The following SLC2A9 variants were observed in gnomAD, a reference collection of about 807,000 sequenced individuals.
SLC2A9 encodes solute carrier family 2, facilitated glucose transporter member 9.
In SLC2A9, 39 loss-of-function variants were observed where a neutral mutation model predicts 50.6. That is an observed-to-expected ratio of 0.77 (90% CI 0.60 to 1.01). The LOEUF (loss-of-function observed/expected upper bound fraction) is 1.01, where lower values mean the gene tolerates loss of function less well. Among genes scored for constraint, SLC2A9 ranks in the 50% least tolerant of loss-of-function variants. SLC2A9 has a pLI of 0.00. For missense variants in SLC2A9, 686 were observed against 677.6 expected (o/e 1.01, Z -0.14); for synonymous variants, 324 against 276.9 (o/e 1.17, Z -1.69).
At chr4:9,788,035 G>C (rs1240993649) in intron 3 of SLC2A9, among the ~76,000 whole-genome samples, 3 of 151,954 alleles carry the variant, frequency 2.0e-5, no homozygotes, top group Admixed American at 2.0e-4. Context: ...TTTATTAGTG[G>C]CCCTTCCCTG....
At chr4:10,020,960 G>A (rs953149578) in intron 1 of SLC2A9, among the ~76,000 whole-genome samples, 3 of 152,204 alleles carry the variant, frequency 2.0e-5, no homozygotes, top group African/African-American at 7.2e-5. Context: ...GCTGCTGCCC[G>A]TGCCATGCCC....
intron 3 of SLC2A9, among the ~76,000 whole-genome samples, chr4:9,786,745 C>A (rs1719267171): frequency 6.6e-6 from 1 of 152,148 alleles, no homozygotes; most frequent in South Asian, 2.1e-4. Flanking sequence ...GTAGAGGAAC[C>A]AGGGTTCACC....
At chr4:9,960,570 G>A (rs1193810566) in intron 5 of SLC2A9, among the ~76,000 whole-genome samples, 3 of 152,238 alleles carry the variant, frequency 2.0e-5, no homozygotes, top group Admixed American at 1.3e-4. Context: ...CCCACAGCAT[G>A]TGAAAATTCA....
At chr4:9,875,188 C>G (rs561591180) in intron 10 of SLC2A9, among the ~76,000 whole-genome samples, 1 of 138,476 alleles carries the variant, frequency 7.2e-6, no homozygotes, top group Admixed American at 7.3e-5. Context: ...AGGTTAGCAT[C>G]TGTCTAAGAT....
intron 3 of SLC2A9, among the ~76,000 whole-genome samples, chr4:9,789,327 G>A (rs1025196984): frequency 5.3e-5 from 8 of 152,218 alleles, no homozygotes; most frequent in Admixed American, 5.2e-4. Context: ...ATGTGTAAGG[G>A]CATTATACAA....
chr4:9,883,567 T>C (rs190425377), intron 10 of SLC2A9, among the ~76,000 whole-genome samples: 1 of 152,324 alleles, frequency 6.6e-6, no homozygotes, highest in East Asian at 1.9e-4. Context: ...TTAAAGTTGA[T>C]GCTCAAGAAA....
Position 9,931,952 on chromosome 4 carries a change from CTCTCTCTCTCTATATATATATA to C in SLC2A9, c.814+9939_814+9960del, listed in dbSNP as rs1269962172. On this transcript the variant is annotated intron_variant, in intron 6 of 11. Coordinates refer to ENST00000264784, the MANE Select transcript of SLC2A9 (RefSeq NM_020041.3). ...TCTCTCTCTCTCTCTCTCTCTCTCT[CTCTCTCTCTCTATATATATATA>C]TATATATATATATATATATATATAT... is the stretch of plus-strand genomic sequence containing the variant. Among the ~76,000 whole-genome samples, 14 of 57,226 alleles carry C rather than the reference CTCTCTCTCTCTATATATATATA, an allele frequency of 2.4e-4. No individual in the cohort carries two copies. The East Asian group carries it at 5.8e-3, about 24-fold the overall frequency. The allele number at this position is 57,226 out of a possible 152,430, so 37.5% of individuals were successfully genotyped here.
upstream of SLC2A9, among the ~76,000 whole-genome samples, chr4:10,021,814 G>C (rs138003665): frequency 1.3e-5 from 2 of 150,972 alleles, no homozygotes; most frequent in African/African-American, 4.9e-5. Context: ...TCAGAAGCCT[G>C]CATACAGCTC....
intron 3 of SLC2A9, among the ~76,000 whole-genome samples, chr4:9,987,351 C>T (rs1301854906): frequency 6.6e-6 from 1 of 152,168 alleles, no homozygotes; most frequent in Non-Finnish European, 1.5e-5. Flanking sequence ...AACTTCTGAC[C>T]TCAGGTGATC....
chr4:9,827,583 A>T (rs1385260814), intron 11 of SLC2A9, among the ~76,000 whole-genome samples: 1 of 152,216 alleles, frequency 6.6e-6, no homozygotes, highest in Non-Finnish European at 1.5e-5. Flanking sequence ...TGATCCCTGG[A>T]TCACATCCTA....
chr4:9,867,742 C>G (rs968726343), intron 10 of SLC2A9, among the ~76,000 whole-genome samples: 10 of 152,154 alleles, frequency 6.6e-5, no homozygotes, highest in African/African-American at 2.2e-4. Context: ...TGCCTGACTG[C>G]CTGGGAGAGA....
chr4:10,031,496 G>A (rs1274693682), intron 1 of SLC2A9, among the ~76,000 whole-genome samples: 1 of 152,222 alleles, frequency 6.6e-6, no homozygotes, highest in Non-Finnish European at 1.5e-5. Context: ...GGGTAAGGAG[G>A]CCTCTCTGCT....
intron 10 of SLC2A9, among the ~76,000 whole-genome samples, chr4:9,860,570 G>T (rs1437195812): frequency 1.3e-5 from 2 of 152,226 alleles, no homozygotes; most frequent in Non-Finnish European, 2.9e-5. Context: ...CTTTGAACTT[G>T]GCTTCAAGAC....
chr4:9,879,558 C>A lies in SLC2A9; in HGVS notation c.1291+8009G>T, dbSNP rs1306670864. On this transcript the variant is annotated intron_variant, in intron 10 of 11. Coordinates refer to ENST00000264784, the MANE Select transcript of SLC2A9 (RefSeq NM_020041.3). ...GCCCCTGCAGTCTTTCCAGAGGGGT[C>A]CTTTTTCCAAGCAAGGTATGTGCTG... The A allele has an allele frequency of 4.1e-6, 4 of 985,178 alleles. No homozygotes were observed. In the Admixed American group the frequency reaches 1.8e-4, roughly 45 times the overall value. The allele number at this position is 985,178 out of a possible 1,614,324, so 61.0% of individuals were successfully genotyped here.
chr4:9,908,349 T>A lies in SLC2A9; in HGVS notation c.1003-4A>T. 6.3e-7 allele frequency: 1 copy of A among 1,582,006 alleles called. No homozygotes were observed. Among genetic ancestry groups the A allele is most frequent in the Non-Finnish European group, 8.7e-7 (1 of 1,150,322 alleles). ...TGCTGTTGGTATAGAACCAAATCTG[T>A]AATTCAGGAAAGAATGAGCAGAGAG... On this transcript the variant is annotated splice_polypyrimidine_tract_variant and splice_region_variant and intron_variant, in intron 7 of 11. Transcript: ENST00000264784.
chr4:9,909,637 C>T lies in SLC2A9; in HGVS notation c.1003-1292G>A, dbSNP rs899195303. ...TTATTTTGCCTGTCCCATGAGGTGT[C>T]AGGAACTGGGTGAGAATTGTCACTC... On this transcript the variant is annotated intron_variant, in intron 7 of 11. Coordinates refer to ENST00000264784, the MANE Select transcript of SLC2A9 (RefSeq NM_020041.3). Among the ~76,000 whole-genome samples the T allele has an allele frequency of 3.3e-5, 5 of 152,182 alleles. 1 individual carries two copies. Among genetic ancestry groups the T allele is most frequent in the African/African-American group, 1.2e-4 (5 of 41,440 alleles).
intron 5 of SLC2A9, among the ~76,000 whole-genome samples, chr4:9,950,590 G>GACAAAAAATA (rs6148297): frequency 0.49 from 74,581 of 151,068 alleles, 20,197 homozygotes; most frequent in African/African-American, 0.71. Context: ...ATTATTAAAT[G>GACAAAAAATA]ACAGATGCTG....
At chr4:9,956,486 C>CA (rs1479884203) in intron 5 of SLC2A9, among the ~76,000 whole-genome samples, 4 of 151,152 alleles carry the variant, frequency 2.6e-5, no homozygotes, top group South Asian at 2.1e-4. Context: ...TCTCAAAAAA[C>CA]AAAAAAACAA....
intron 6 of SLC2A9, among the ~76,000 whole-genome samples, chr4:9,933,931 G>A (rs530076858): frequency 6.6e-6 from 1 of 152,154 alleles, no homozygotes; most frequent in South Asian, 2.1e-4. Flanking sequence ...CTCTCTCTTT[G>A]CCTCCTTTTT....
Sources: gnomAD v4.1 joint callset for allele counts (sites outside exome capture counted in the v4.1 genomes callset) on GRCh38, gnomAD v4.1.1 for gene constraint, MANE v1.5 for transcripts, NCBI Gene and HGNC (gene_info 2026-07-23, HGNC 2026-07-21) for gene names.